The following PLCB2 variants were observed in gnomAD, a reference collection of about 807,000 sequenced individuals.
The protein encoded by PLCB2 is 1-phosphatidylinositol 4,5-bisphosphate phosphodiesterase beta-2.
Under a neutral mutation model 141.7 loss-of-function variants are expected in PLCB2, and 115 were observed. The observed-to-expected ratio is 0.81, with a 90% CI of 0.70 to 0.95. The LOEUF is 0.95. Ranked by LOEUF, PLCB2 falls within the 40% of genes least tolerant of loss-of-function variation. The pLI is 0.00. For synonymous variants in PLCB2, 603 were observed against 595.6 expected (o/e 1.01, Z -0.18); for missense variants, 1,403 against 1,541.1 (o/e 0.91, Z 1.50).
intron 2 of PLCB2, among the ~76,000 whole-genome samples, chr15:40,303,648 C>T (rs978540304): frequency 2.0e-5 from 3 of 152,178 alleles, no homozygotes; most frequent in Non-Finnish European, 4.4e-5. Context: ...TTCCCAGCTT[C>T]CCCTTCCCGT....
Position 40,288,070 on chromosome 15 carries a change from G to A in PLCB2, c.*645C>T. Reference sequence around the variant, plus strand: ...GGCCTAGGAAGAGGGGTGAGCCAGGGTCAGGGTGGAACAGCACCCAAGAGC... The same window carrying A: ...GGCCTAGGAAGAGGGGTGAGCCAGGATCAGGGTGGAACAGCACCCAAGAGC... On this transcript the variant is annotated 3_prime_UTR_variant, in exon 32 of 32. Coordinates refer to ENST00000260402, the MANE Select transcript of PLCB2 (RefSeq NM_004573.3). 1.0e-6 allele frequency: 1 copy of A among 985,532 alleles called. No individual in the cohort carries two copies. Among genetic ancestry groups the A allele is most frequent in the Non-Finnish European group, 1.2e-6 (1 of 829,984 alleles). The allele number at this position is 985,532 out of a possible 1,614,324, so 61.0% of individuals were successfully genotyped here.
In PLCB2 at chr15:40,289,325, G is replaced by A; in HGVS notation, c.3301C>T (p.Leu1101=). 6.2e-7 allele frequency: 1 copy of A among 1,614,078 alleles called. No homozygotes were observed. The highest frequency in any genetic ancestry group is 8.5e-7 in the Non-Finnish European group (1 of 1,179,986). ...AGGCAAGCCGCCTGCTTCTCCTCCA[G>A]CTTCTCCTGGTGCCTCTCCAAGTTC... is the stretch of plus-strand genomic sequence containing the variant. The part of the protein sequence containing the change: ...TENLERHQEK[L]EEKQAACLEQ... The change falls in exon 31 of 32, where the codon CTG becomes TTG. Residue 1101 remains leucine (L), a synonymous_variant. Transcript: ENST00000260402.
rs548866418 is a variant in PLCB2 at position 40,293,696 on chromosome 15, C to T, written c.2090G>A (p.Arg697His). The change falls in exon 20 of 32, where the codon CGC becomes CAC. Residue 697 changes from arginine (R) to histidine (H), a missense_variant. Physicochemically the swap from Arg to His is conservative, Grantham distance 29. This residue lies in a region of PLCB2 where 975 missense variants were observed against 1,141.1 expected (regional missense o/e 0.85). Transcript: ENST00000260402. Reference protein sequence around the residue: ...TVISGQFLSERSVRTYVEVEL... With the variant: ...TVISGQFLSEHSVRTYVEVEL... ...CACTTCTACATAGGTGCGCACGCTG[C>T]GTTCTGACAGGAACTGCCCAGAGAT... 234 of 1,613,518 alleles carry T rather than the reference C, an allele frequency of 1.5e-4. No homozygotes were observed. Among genetic ancestry groups the T allele is most frequent in the Non-Finnish European group, 1.9e-4 (228 of 1,179,662 alleles).
In PLCB2 at chr15:40,298,975, G is replaced by A; in HGVS notation, c.684-11C>T. On this transcript the variant is annotated splice_polypyrimidine_tract_variant and intron_variant, in intron 8 of 31. Coordinates refer to ENST00000260402, the MANE Select transcript of PLCB2 (RefSeq NM_004573.3). The stretch of plus-strand genomic sequence containing the variant: ...TTGGCCTTAGCATGGCTTCAAGCCA[G>A]AGAGAAGAGCACAGGTCCATATCCC... 6.4e-7 allele frequency: 1 copy of A among 1,558,982 alleles called. No individual in the cohort carries two copies. Among genetic ancestry groups the A allele is most frequent in the Non-Finnish European group, 8.6e-7 (1 of 1,168,750 alleles).
At chr15:40,291,523 G>C (rs769309840) in intron 25 of PLCB2, 36 bp from the exon 26 acceptor site, 78 of 1,601,530 alleles carry the variant, frequency 4.9e-5, no homozygotes, top group Non-Finnish European at 6.3e-5. Context: ...CACCGGCCAG[G>C]CCGTCCTGCC....
At chr15:40,292,305 A>C in intron 22 of PLCB2, 34 bp downstream of exon 22, 1 of 1,546,816 alleles carries the variant, frequency 6.5e-7, no homozygotes, top group Non-Finnish European at 8.9e-7. Context: ...GGGAACAGAC[A>C]CCCCGAGGCT....
chr15:40,287,113 T>C (rs943741199), downstream of PLCB2, among the ~76,000 whole-genome samples: 2 of 152,130 alleles, frequency 1.3e-5, no homozygotes, highest in Non-Finnish European at 2.9e-5. Context: ...GGGTTGAACA[T>C]AGGGCACCAC....
At chr15:40,294,468 T>TG (rs1266946290) in intron 18 of PLCB2, 48 bp from the exon 19 acceptor site, 2 of 1,592,116 alleles carry the variant, frequency 1.3e-6, no homozygotes, top group Non-Finnish European at 1.7e-6. Flanking sequence ...CCTGGGGCTG[T>TG]GCCCAGTCTC....
In PLCB2 at chr15:40,302,017, A is replaced by C. The variant is rs747589835; in HGVS notation, c.522T>G (p.Phe174Leu). 6 of 1,614,184 alleles carry C rather than the reference A, an allele frequency of 3.7e-6. No individual in the cohort carries two copies. The South Asian group carries it at 6.6e-5, about 18-fold the overall frequency. Residue 174 changes from phenylalanine to leucine, a missense_variant, in exon 7 of 32, where the codon TTT becomes TTG. By Grantham distance (22) the Phe-to-Leu change is conservative. This residue lies in a region of PLCB2 where 975 missense variants were observed against 1,141.1 expected (regional missense o/e 0.85). Transcript: ENST00000260402. ...KIPVKNFFQM[F>L]PADRKRVEAA... is the part of the protein sequence containing the mutation. ...CTTCCACCCGCTTGCGGTCAGCAGGAAACATCTGGAAAAAGCTGAAGGGGC... is the reference window on the plus strand; with the variant it reads ...CTTCCACCCGCTTGCGGTCAGCAGGCAACATCTGGAAAAAGCTGAAGGGGC...
intron 1 of PLCB2, among the ~76,000 whole-genome samples, 191 bp downstream of exon 1, chr15:40,307,398 C>T (rs2040851938): frequency 6.6e-6 from 1 of 152,164 alleles, no homozygotes; most frequent in Non-Finnish European, 1.5e-5. Flanking sequence ...AGGCTTAGCC[C>T]TTTAGCTGGG....
chr15:40,290,159 T>G, intron 29 of PLCB2, 77 bp from the exon 30 acceptor site: 2 of 921,210 alleles, frequency 2.2e-6, no homozygotes, highest in East Asian at 2.4e-5. Context: ...CTACGCAGGA[T>G]GTAGGCAAAT....
In PLCB2 at chr15:40,304,690, A is replaced by AG. The variant is rs144755015; in HGVS notation, c.85-613dup. Among the ~76,000 whole-genome samples the AG allele has an allele frequency of 9.8e-3, 1,498 of 152,276 alleles. 32 individuals carry two copies. Among genetic ancestry groups the AG allele is most frequent in the African/African-American group, 0.035 (1,449 of 41,554 alleles). Reference sequence around the variant, plus strand: ...CTACAAGCCCACCTAGGAAATCCCCAGGGACTCATGGACTCCAGGACAACA... The same window carrying AG: ...CTACAAGCCCACCTAGGAAATCCCCAGGGGACTCATGGACTCCAGGACAACA... On this transcript the variant is annotated intron_variant, in intron 1 of 31. Coordinates refer to ENST00000260402, the MANE Select transcript of PLCB2 (RefSeq NM_004573.3).
At chr15:40,298,024 CT>C (rs2040319054) in intron 11 of PLCB2, 65 bp from the exon 12 acceptor site, 8 of 1,293,988 alleles carry the variant, frequency 6.2e-6, no homozygotes, top group East Asian at 2.3e-5. Flanking sequence ...CGTGATAGCA[CT>C]TTTCCCCCCT....
In PLCB2 at chr15:40,293,716, A is replaced by G. The variant is rs1476682147; in HGVS notation, c.2070T>C (p.Ser690=). Residue 690 remains serine (S), a synonymous_variant, in exon 20 of 32, where the codon TCT becomes TCC. Coordinates refer to ENST00000260402, the MANE Select transcript of PLCB2 (RefSeq NM_004573.3). ...VATTLSITVI[S]GQFLSERSVR... ...CGCTGCGTTCTGACAGGAACTGCCC[A>G]GAGATCACCTGGGGGTAGGGGCCCA... The G allele has an allele frequency of 1.9e-6, 3 of 1,609,370 alleles. No homozygotes were observed. The Admixed American group carries it at 5.0e-5, about 27-fold the overall frequency.
intron 21 of PLCB2, among the ~76,000 whole-genome samples, 192 bp downstream of exon 21, chr15:40,292,734 T>G (rs1340734659): frequency 1.1e-4 from 17 of 152,222 alleles, no homozygotes. Flanking sequence ...TTTCAGAAAA[T>G]TACAGCAATT....
At chr15:40,298,002 G>A (rs368347413) in intron 11 of PLCB2, 43 bp from the exon 12 acceptor site, 110 of 1,433,018 alleles carry the variant, frequency 7.7e-5, no homozygotes, top group South Asian at 6.1e-4. Context: ...TCAGCGTTCC[G>A]ACTGCCTGTC....
In PLCB2 at chr15:40,291,063, C is replaced by T. The variant is rs766949474; in HGVS notation, c.2991G>A (p.Glu997=). Residue 997 remains glutamate (E), a synonymous_variant, in exon 27 of 32, where the codon GAG becomes GAA. Transcript: ENST00000260402. ...TGCGCTTCAGAACGCACTCGTACTG[C>T]TCCTCGCCCTGCCGCAGCAGCTCCA... ...LELELLRQGE[E]QYECVLKRKE... 54 of 1,591,394 alleles carry T rather than the reference C, an allele frequency of 3.4e-5. No individual in the cohort carries two copies. In the South Asian group the frequency reaches 5.9e-4, roughly 17 times the overall value.
chr15:40,302,454 T>A lies in PLCB2; in HGVS notation c.372+15A>T. On this transcript the variant is annotated intron_variant, in intron 4 of 31. Coordinates refer to ENST00000260402, the MANE Select transcript of PLCB2 (RefSeq NM_004573.3). The stretch of plus-strand genomic sequence containing the variant: ...CCCAGGGGCCCAGACCCAGGCCCAG[T>A]GCTCCCTGGCACACCTTGCCCACGT... 6.2e-7 allele frequency: 1 copy of A among 1,613,892 alleles called. No individual in the cohort carries two copies. Among genetic ancestry groups the A allele is most frequent in the Non-Finnish European group, 8.5e-7 (1 of 1,179,890 alleles).
chr15:40,296,893 G>A lies in PLCB2; in HGVS notation c.1339C>T (p.Pro447Ser). 6.2e-7 allele frequency: 1 copy of A among 1,613,996 alleles called. No homozygotes were observed. The highest frequency in any genetic ancestry group is 8.5e-7 in the Non-Finnish European group (1 of 1,179,962). Residue 447 changes from proline to serine, a missense_variant, in exon 14 of 32, where the codon CCC becomes TCC. By Grantham distance (74) the Pro-to-Ser change is moderately conservative. Transcript: ENST00000260402. The part of the protein sequence containing the change: ...LEKFPLKPGV[P>S]LPSPEDLRGK... Reference sequence around the variant, plus strand: ...CTGAGATCCTCAGGGCTGGGCAGGGGGACACCTGGTTTTAGCTATGGAGTG... The same window carrying A: ...CTGAGATCCTCAGGGCTGGGCAGGGAGACACCTGGTTTTAGCTATGGAGTG...
Sources: allele counts gnomAD v4.1 joint callset (sites outside exome capture counted in the v4.1 genomes callset), GRCh38; gene constraint gnomAD v4.1.1; regional missense constraint gnomAD v4.1.1; transcripts MANE v1.5; gene names NCBI Gene and HGNC (gene_info 2026-07-23, HGNC 2026-07-21).